The following SEC24B variants were observed in gnomAD, a reference collection of about 807,000 sequenced individuals.
SEC24B encodes the protein protein transport protein Sec24B.
SEC24B carries 45 observed loss-of-function variants against 142.8 expected under a neutral mutation model. The ratio of observed to expected loss-of-function variants is 0.32; its 90% CI spans 0.25 to 0.40. The LOEUF is 0.40. SEC24B is among the 10% of genes least tolerant of loss of function. The pLI is 1.00. For missense variants in SEC24B, 1,409 were observed against 1,526.8 expected (o/e 0.92, Z 1.29); for synonymous variants, 574 against 568.2 (o/e 1.01, Z -0.15).
chr4:109,533,736 T>C, intron 22 of SEC24B, 51 bp downstream of exon 22: 1 of 1,085,196 alleles, frequency 9.2e-7, no homozygotes, highest in Non-Finnish European at 1.4e-6. Flanking sequence ...TTTTTTTTTA[T>C]TGATGTAAAA....
chr4:109,532,788 C>CA (rs769869150), intron 21 of SEC24B, 45 bp downstream of exon 21: 1 of 981,386 alleles, frequency 1.0e-6, no homozygotes, highest in South Asian at 1.3e-5. Context: ...TTGAGCTGAC[C>CA]AAAAACAAAG....
intron 3 of SEC24B, among the ~76,000 whole-genome samples, chr4:109,476,471 A>C (rs996615033): frequency 1.3e-5 from 2 of 152,214 alleles, no homozygotes; most frequent in Admixed American, 1.3e-4. Context: ...GAATATGATA[A>C]TGTTCAGATA....
chr4:109,520,852 C>T (rs866813631), intron 12 of SEC24B, among the ~76,000 whole-genome samples: 1 of 152,004 alleles, frequency 6.6e-6, no homozygotes, highest in Non-Finnish European at 1.5e-5. Flanking sequence ...ATTAGCTAGG[C>T]GTTGTGGCGC....
At chr4:109,507,460 G>A (rs967792290) in intron 7 of SEC24B, among the ~76,000 whole-genome samples, 12 of 151,814 alleles carry the variant, frequency 7.9e-5, no homozygotes, top group African/African-American at 2.9e-4. Context: ...TTTTATTAGA[G>A]ATGGGGTTTC....
At chr4:109,513,954 T>C (rs535135518) in intron 10 of SEC24B, 98 bp downstream of exon 10, 3 of 741,194 alleles carry the variant, frequency 4.0e-6, no homozygotes, top group East Asian at 2.6e-5. Context: ...TGAAGTTGTT[T>C]ATACTCATAA....
chr4:109,499,004 C>A (rs1330396216), intron 6 of SEC24B, among the ~76,000 whole-genome samples: 1 of 151,984 alleles, frequency 6.6e-6, no homozygotes, highest in African/African-American at 2.4e-5. Context: ...TACTATATAG[C>A]TTTTAAAAAT....
intron 22 of SEC24B, 72 bp from the exon 23 acceptor site, chr4:109,538,421 A>G: frequency 1.0e-6 from 1 of 963,396 alleles, no homozygotes; most frequent in Non-Finnish European, 1.7e-6. Context: ...GATGGTAGGA[A>G]TCATGATTTT....
intron 1 of SEC24B, among the ~76,000 whole-genome samples, chr4:109,453,072 CT>C (rs895484416): frequency 2.0e-5 from 3 of 152,132 alleles, no homozygotes; most frequent in Non-Finnish European, 1.5e-5. Context: ...GTGATGCCCC[CT>C]GAACCCTAAA....
At chr4:109,466,450 A>C (rs183041205) in intron 2 of SEC24B, among the ~76,000 whole-genome samples, 72 of 152,320 alleles carry the variant, frequency 4.7e-4, no homozygotes, top group African/African-American at 1.4e-3. Flanking sequence ...TCGCTCTGTC[A>C]CCCAGGCTGG....
chr4:109,441,381 G>GA (rs1728912475), intron 1 of SEC24B, among the ~76,000 whole-genome samples: 1 of 152,162 alleles, frequency 6.6e-6, no homozygotes, highest in Admixed American at 6.5e-5. Flanking sequence ...ATTATATGTA[G>GA]AAAAGCAAGG....
At position 109,491,364 on chromosome 4, in the gene SEC24B, A is replaced by C; in HGVS notation, c.1203A>C (p.Pro401=). ...DSSSTTSSAS[P]MPNSYDALEG... ...CTTCTACCACAAGCAGTGCTTCTCC[A>C]ATGCCCAACAGTTATGATGCCCTGG... The change falls in exon 5 of 24, where the codon CCA becomes CCC. Residue 401 remains proline, a synonymous_variant. Coordinates refer to ENST00000265175, the MANE Select transcript of SEC24B (RefSeq NM_006323.5). 1 of 1,613,748 alleles carries C rather than the reference A, an allele frequency of 6.2e-7. No homozygotes were observed. Among genetic ancestry groups the C allele is most frequent in the East Asian group, 2.2e-5 (1 of 44,850 alleles).
intron 4 of SEC24B, among the ~76,000 whole-genome samples, chr4:109,486,626 C>T (rs1171505494): frequency 2.6e-5 from 4 of 152,168 alleles, no homozygotes; most frequent in Non-Finnish European, 5.9e-5. Flanking sequence ...ACTTGACCCC[C>T]ATTTGATCTC....
chr4:109,524,797 C>A, intron 14 of SEC24B, 21 bp from the exon 15 acceptor site: 1 of 1,599,020 alleles, frequency 6.3e-7, no homozygotes, highest in Non-Finnish European at 8.5e-7. Context: ...CTAGCTCTTA[C>A]TATATGATCT....
Position 109,463,288 on chromosome 4 carries a change from A to T in SEC24B, c.521A>T (p.Gln174Leu), listed in dbSNP as rs750080147. 5.6e-6 allele frequency: 9 copies of T among 1,614,180 alleles called. No homozygotes were observed. Residue 174 changes from glutamine (Q) to leucine (L), a missense_variant, in exon 2 of 24, where the codon CAG becomes CTG. Transcript: ENST00000265175. ...TCTGCCAGCTCTTCTGTTGCGTCTC[A>T]GGGATTTCCCTCTACTTGTGGTCAT... is the stretch of plus-strand genomic sequence containing the variant. ...MYSASSSVAS[Q>L]GFPSTCGHYA... is the part of the protein sequence containing the mutation.
rs765569328 is a variant in SEC24B at position 109,494,795 on chromosome 4, C to T, written c.1427C>T (p.Pro476Leu). ...LQPGYQNATA[P>L]LISGVQPSNP... ...CCTGGTTATCAGAATGCTACAGCAC[C>T]ACTTATTTCTGGAGTACAGCCCAGT... Residue 476 changes from proline (P) to leucine (L), a missense_variant, in exon 6 of 24, where the codon CCA becomes CTA. Physicochemically the swap from Pro to Leu is moderately conservative, Grantham distance 98 (BLOSUM62 -3). This residue lies in a region of SEC24B where 709 missense variants were observed against 673.5 expected (regional missense o/e 1.05). Coordinates refer to ENST00000265175, the MANE Select transcript of SEC24B (RefSeq NM_006323.5). 3 of 1,614,002 alleles carry T rather than the reference C, an allele frequency of 1.9e-6. No homozygotes were observed. The highest frequency in any genetic ancestry group is 2.7e-5 in the African/African-American group (2 of 74,892).
At position 109,493,341 on chromosome 4, in the gene SEC24B, C is replaced by G. The variant is rs1180845255; in HGVS notation, c.1247-1274C>G. On this transcript the variant is annotated intron_variant, in intron 5 of 23. Coordinates refer to ENST00000265175, the MANE Select transcript of SEC24B (RefSeq NM_006323.5). ...CTAAGAATATATTTTTGCAGAATCC[C>G]AAATGCTGGTGAAGGATATCTTACG... 2.0e-5 allele frequency among the ~76,000 whole-genome samples: 3 copies of G among 151,832 alleles called. No homozygotes were observed. In the East Asian group the frequency reaches 5.8e-4, roughly 29 times the overall value.
At position 109,521,605 on chromosome 4, in the gene SEC24B, T is replaced by C. The variant is rs1723620592; in HGVS notation, c.2487T>C (p.Pro829=). ...GACTTCTGCAATCCAGAGAAGATCC[T>C]AATCAGAGATCAAGTACAAAGGTAT... ...GAGLLQSRED[P]NQRSSTKVVQ... Residue 829 remains proline (P), a synonymous_variant, in exon 14 of 24, where the codon CCT becomes CCC. Coordinates refer to ENST00000265175, the MANE Select transcript of SEC24B (RefSeq NM_006323.5). The C allele has an allele frequency of 6.2e-7, 1 of 1,612,828 alleles. No homozygotes were observed. The highest frequency in any genetic ancestry group is 8.5e-7 in the Non-Finnish European group (1 of 1,179,074).
At chr4:109,490,935 A>G (rs899689991) in intron 4 of SEC24B, among the ~76,000 whole-genome samples, 2 of 152,190 alleles carry the variant, frequency 1.3e-5, no homozygotes, top group Non-Finnish European at 2.9e-5. Context: ...TTACCTTAAA[A>G]TACCCTAATA....
At chr4:109,443,944 C>G (rs1729178317) in intron 1 of SEC24B, among the ~76,000 whole-genome samples, 1 of 151,786 alleles carries the variant, frequency 6.6e-6, no homozygotes, top group African/African-American at 2.4e-5. Context: ...TGGTTTGGGC[C>G]CGGTGTGGTG....
Sources: allele counts gnomAD v4.1 joint callset (sites outside exome capture counted in the v4.1 genomes callset), GRCh38; gene constraint gnomAD v4.1.1; regional missense constraint gnomAD v4.1.1; transcripts MANE v1.5; gene names NCBI Gene and HGNC (gene_info 2026-07-23, HGNC 2026-07-21).